The following LAMA1 variants were observed in gnomAD, a reference collection of about 807,000 sequenced individuals.
The protein encoded by LAMA1 is laminin subunit alpha 1, also known as laminin subunit alpha-1.
Under a neutral mutation model 348.7 loss-of-function variants are expected in LAMA1, and 219 were observed. That is an observed-to-expected ratio of 0.63 (90% CI 0.56 to 0.70). The LOEUF is 0.70. LAMA1 is among the 30% of genes least tolerant of loss of function. The pLI is 0.00. For synonymous variants in LAMA1, 1,487 were observed against 1,491.0 expected (o/e 1.00, Z 0.06); for missense variants, 3,744 against 3,888.0 (o/e 0.96, Z 0.99).
chr18:6,985,784 G>A (rs2057732184), intron 37 of LAMA1, 141 bp from the exon 38 acceptor site: 2 of 671,156 alleles, frequency 3.0e-6, no homozygotes, highest in Non-Finnish European at 5.2e-6. Flanking sequence ...TTTTGAGATG[G>A]AGTCTCATTC....
chr18:7,034,757 A>C (rs2057986919), intron 13 of LAMA1, 67 bp from the exon 14 acceptor site: 1 of 1,482,918 alleles, frequency 6.7e-7, no homozygotes, highest in African/African-American at 1.4e-5. Context: ...AAATAAAATC[A>C]AATTTTGTAT....
chr18:7,012,080 G>A lies in LAMA1; in HGVS notation c.3422C>T (p.Ala1141Val), dbSNP rs778500378. 1 of 1,613,394 alleles carries A rather than the reference G, an allele frequency of 6.2e-7. No individual in the cohort carries two copies. Among genetic ancestry groups the A allele is most frequent in the African/African-American group, 1.3e-5 (1 of 75,062 alleles). ...CGGGCTGCAGCCCAGGGGGTTGTCT[G>A]CGCGGAGAGCGAAGGTGCCCTCTCG... ...ECREGTFALR[A>V]DNPLGCSPCF... Residue 1141 changes from alanine to valine, a missense_variant, in exon 24 of 63, where the codon GCA (alanine) becomes GTA (valine). Ala to Val is a moderately conservative substitution (Grantham distance 64). This residue lies in a region of LAMA1 where 1,529 missense variants were observed against 1,689.4 expected (regional missense o/e 0.91). Transcript: ENST00000389658.
intron 3 of LAMA1, among the ~76,000 whole-genome samples, chr18:7,070,012 A>C (rs1341384278): frequency 6.6e-6 from 1 of 152,262 alleles, no homozygotes; most frequent in Non-Finnish European, 1.5e-5. Context: ...GAAGCTATGC[A>C]TGAGAAAATA....
At chr18:7,110,306 A>G (rs532266709) in intron 1 of LAMA1, among the ~76,000 whole-genome samples, 69 of 152,338 alleles carry the variant, frequency 4.5e-4, no homozygotes, top group Non-Finnish European at 8.7e-4. Flanking sequence ...TTTCAAGGAA[A>G]GAAACAAAAT....
Position 7,102,419 on chromosome 18 carries a change from T to TAA in LAMA1, c.61+15239_61+15240dup, listed in dbSNP as rs145457031. On this transcript the variant is annotated intron_variant, in intron 1 of 62. Coordinates refer to ENST00000389658, the MANE Select transcript of LAMA1 (RefSeq NM_005559.4). Reference sequence around the variant, plus strand: ...TAAAGCCATGCAGGTAGAGTTCCCTTAAAAAAAAGAAAAACCTCTACTATA... The same window carrying TAA: ...TAAAGCCATGCAGGTAGAGTTCCCTTAAAAAAAAAAGAAAAACCTCTACTATA... 3.3e-3 allele frequency among the ~76,000 whole-genome samples: 496 copies of TAA among 149,648 alleles called. 2 individuals carry two copies. The highest frequency in any genetic ancestry group is 0.017 in the Middle Eastern group (5 of 288).
At chr18:7,016,751 A>G in intron 20 of LAMA1, 80 bp from the exon 21 acceptor site, 1 of 1,232,528 alleles carries the variant, frequency 8.1e-7, no homozygotes, top group Middle Eastern at 2.0e-4. Flanking sequence ...GTTCCAGAAC[A>G]CACACAGGGT....
intron 1 of LAMA1, among the ~76,000 whole-genome samples, chr18:7,102,707 C>T (rs12956744): frequency 0.27 from 40,624 of 152,040 alleles, 5,761 homozygotes; most frequent in South Asian, 0.34. Flanking sequence ...ATGCTTGACT[C>T]CTAGCACTGG....
At chr18:7,046,253 TA>T in intron 6 of LAMA1, 24 bp downstream of exon 6, 2 of 1,484,146 alleles carry the variant, frequency 1.3e-6, no homozygotes, top group Non-Finnish European at 1.9e-6. Context: ...GAAGTTTTAG[TA>T]AAATGTGAAA....
At chr18:7,098,632 G>A (rs1249132674) in intron 1 of LAMA1, among the ~76,000 whole-genome samples, 3 of 151,624 alleles carry the variant, frequency 2.0e-5, no homozygotes, top group African/African-American at 7.3e-5. Context: ...CGTCTGAGAA[G>A]TGAGGAGCCT....
intron 3 of LAMA1, among the ~76,000 whole-genome samples, chr18:7,068,512 A>G (rs960034351): frequency 6.6e-6 from 1 of 152,224 alleles, no homozygotes; most frequent in Non-Finnish European, 1.5e-5. Context: ...CAATGGAGCA[A>G]AAGGTCACCC....
At chr18:6,984,374 T>G (rs980519155) in intron 39 of LAMA1, among the ~76,000 whole-genome samples, 1 of 152,186 alleles carries the variant, frequency 6.6e-6, no homozygotes, top group Non-Finnish European at 1.5e-5. Context: ...CCATAACGCA[T>G]AGCAAATTTT....
chr18:7,052,240 G>C (rs1428622339), intron 3 of LAMA1, among the ~76,000 whole-genome samples: 1 of 151,184 alleles, frequency 6.6e-6, no homozygotes, highest in Non-Finnish European at 1.5e-5. Context: ...AACACCCAGG[G>C]GCAACATGGT....
At chr18:6,990,474 C>T (rs1272917926) in intron 36 of LAMA1, among the ~76,000 whole-genome samples, 1 of 152,140 alleles carries the variant, frequency 6.6e-6, no homozygotes, top group East Asian at 1.9e-4. Context: ...AGCAGAGCCC[C>T]ACCCAGGGGC....
chr18:6,985,998 T>A (rs2057733362), intron 37 of LAMA1, 139 bp downstream of exon 37: 1 of 867,804 alleles, frequency 1.2e-6, no homozygotes, highest in South Asian at 1.4e-5. Flanking sequence ...GACCTCATGA[T>A]CTGCCTGCCT....
rs773312549 is a variant in LAMA1 at position 7,034,513 on chromosome 18, C to T, written c.2017G>A (p.Ala673Thr). 2.7e-5 allele frequency: 43 copies of T among 1,614,004 alleles called. No homozygotes were observed. The highest frequency in any genetic ancestry group is 3.6e-5 in the Non-Finnish European group (42 of 1,180,044). The change falls in exon 14 of 63, where the codon GCC becomes ACC. Residue 673 changes from alanine to threonine, a missense_variant. This residue lies in a region of LAMA1 where 1,529 missense variants were observed against 1,689.4 expected (regional missense o/e 0.91). Transcript: ENST00000389658. ...GCCATTTTTGCAGAATTGTAGTTGGCTCTGATCAAAAGATGTGTCACATTG... is the reference window on the plus strand; with the variant it reads ...GCCATTTTTGCAGAATTGTAGTTGGTTCTGATCAAAAGATGTGTCACATTG... ...LANVTHLLIR[A>T]NYNSAKMALY...
At chr18:7,054,491 T>C (rs1407398745) in intron 3 of LAMA1, among the ~76,000 whole-genome samples, 2 of 152,198 alleles carry the variant, frequency 1.3e-5, no homozygotes, top group Non-Finnish European at 2.9e-5. Flanking sequence ...CAAAAATGCC[T>C]TTCTCCAGGT....
intron 30 of LAMA1, among the ~76,000 whole-genome samples, chr18:7,001,312 C>T (rs12709618): frequency 0.41 from 62,028 of 151,872 alleles, 13,207 homozygotes; most frequent in African/African-American, 0.53. Context: ...TAGATATTTC[C>T]GTTTTCCCCC....
intron 56 of LAMA1, 24 bp downstream of exon 56, chr18:6,956,612 G>C (rs375345772): frequency 1.9e-6 from 3 of 1,613,692 alleles, no homozygotes; most frequent in Non-Finnish European, 8.5e-7. Flanking sequence ...GGACCTGACT[G>C]ATAGTAAAGG....
At position 7,049,234 on chromosome 18, in the gene LAMA1, G is replaced by T. The variant is rs755100521; in HGVS notation, c.612C>A (p.Gly204=). ...HGEIHTSLIN[G]RPSADDLSPK... ...GTGAAAGATCGTCAGCGCTTGGTCT[G>T]CCATTGATGAGTGATGTATGAATCT... Residue 204 remains glycine, a synonymous_variant, in exon 5 of 63, where the codon GGC becomes GGA. Coordinates refer to ENST00000389658, the MANE Select transcript of LAMA1 (RefSeq NM_005559.4). 4 of 1,613,862 alleles carry T rather than the reference G, an allele frequency of 2.5e-6. No individual in the cohort carries two copies. The highest frequency in any genetic ancestry group is 3.4e-6 in the Non-Finnish European group (4 of 1,179,934).
Sources: allele counts gnomAD v4.1 joint callset (sites outside exome capture counted in the v4.1 genomes callset), GRCh38; gene constraint gnomAD v4.1.1; regional missense constraint gnomAD v4.1.1; transcripts MANE v1.5; gene names NCBI Gene and HGNC (gene_info 2026-07-23, HGNC 2026-07-21).